Variants in DIS3L2 observed in about 807,000 individuals in gnomAD.
The protein encoded by DIS3L2 is DIS3-like exonuclease 2.
In DIS3L2, 34 loss-of-function variants were observed where a neutral mutation model predicts 97.5. The ratio of observed to expected loss-of-function variants is 0.35; its 90% CI spans 0.27 to 0.46. DIS3L2 has a LOEUF of 0.46. Among genes scored for constraint, DIS3L2 ranks in the 20% least tolerant of loss-of-function variants. The probability of loss-of-function intolerance (pLI) is 1.00; values close to 1 mark genes in which losing one functional copy is unlikely to be tolerated. For missense variants in DIS3L2, 1,038 were observed against 1,146.0 expected (o/e 0.91, Z 1.36); for synonymous variants, 435 against 445.2 (o/e 0.98, Z 0.29).
In DIS3L2 at chr2:232,113,025, T is replaced by C. The variant is rs531172675; in HGVS notation, c.602-17594T>C. On this transcript the variant is annotated intron_variant, in intron 6 of 20. Coordinates refer to ENST00000325385, the MANE Select transcript of DIS3L2 (RefSeq NM_152383.5). Reference sequence around the variant, plus strand: ...AAAGGAGGCTAGAAAAAAAATGGGCTGTGATGAGGTTTTGCAGAATTATCT... The same window carrying C: ...AAAGGAGGCTAGAAAAAAAATGGGCCGTGATGAGGTTTTGCAGAATTATCT... 5.3e-5 allele frequency among the ~76,000 whole-genome samples: 8 copies of C among 152,056 alleles called. No homozygotes were observed. The South Asian group carries it at 1.5e-3, about 28-fold the overall frequency.
intron 6 of DIS3L2, among the ~76,000 whole-genome samples, chr2:232,096,970 A>T (rs1393385805): frequency 6.6e-6 from 1 of 152,112 alleles, no homozygotes; most frequent in African/African-American, 2.4e-5. Flanking sequence ...GATGGTGTTG[A>T]TGCTTGTGGT....
chr2:232,113,770 A>G (rs1221126586), intron 6 of DIS3L2, among the ~76,000 whole-genome samples: 1 of 152,228 alleles, frequency 6.6e-6, no homozygotes, highest in African/African-American at 2.4e-5. Flanking sequence ...TTACAGTTTA[A>G]AACAAAGATG....
intron 11 of DIS3L2, among the ~76,000 whole-genome samples, chr2:232,244,960 C>T (rs150830158): frequency 6.6e-6 from 1 of 151,828 alleles, no homozygotes; most frequent in African/African-American, 2.4e-5. Flanking sequence ...TAGGAAAGGG[C>T]GATTATAAGA....
chr2:232,219,335 C>A (rs879897573), intron 10 of DIS3L2, among the ~76,000 whole-genome samples: 9 of 152,188 alleles, frequency 5.9e-5, no homozygotes, highest in Admixed American at 5.9e-4. Flanking sequence ...TGCTACCCTG[C>A]ATTTTAAAAT....
chr2:232,334,274 TCGG>T, intron 17 of DIS3L2, 92 bp from the exon 18 acceptor site: 1 of 1,450,200 alleles, frequency 6.9e-7, no homozygotes, highest in South Asian at 1.3e-5. Flanking sequence ...TCCTAATCTG[TCGG>T]CGGGGGTGCA....
intron 10 of DIS3L2, among the ~76,000 whole-genome samples, chr2:232,218,472 G>C (rs533808329): frequency 6.6e-6 from 1 of 151,630 alleles, no homozygotes; most frequent in African/African-American, 2.4e-5. Flanking sequence ...TTCAGGCCGG[G>C]TGTGGTGGCT....
chr2:232,025,148 G>A (rs1694622787), intron 4 of DIS3L2, among the ~76,000 whole-genome samples: 1 of 152,120 alleles, frequency 6.6e-6, no homozygotes. Flanking sequence ...TATAGGTTCA[G>A]TCATGTACTT....
At chr2:232,214,624 G>A (rs558294545) in intron 10 of DIS3L2, among the ~76,000 whole-genome samples, 60 of 152,318 alleles carry the variant, frequency 3.9e-4, no homozygotes, top group Middle Eastern at 3.4e-3. Context: ...GAAGTCTGAA[G>A]TACATGGCTA....
At chr2:232,167,411 T>G (rs1690856671) in intron 9 of DIS3L2, among the ~76,000 whole-genome samples, 1 of 152,214 alleles carries the variant, frequency 6.6e-6, no homozygotes, top group African/African-American at 2.4e-5. Flanking sequence ...GCAGTATGGT[T>G]GAATAATATT....
intron 1 of DIS3L2, among the ~76,000 whole-genome samples, chr2:231,999,800 G>GATTT (rs147506098): frequency 0.042 from 6,452 of 151,884 alleles, 209 homozygotes; most frequent in Admixed American, 0.088. Flanking sequence ...AATATATTGT[G>GATTT]ATTTATTTAT....
intron 6 of DIS3L2, among the ~76,000 whole-genome samples, chr2:232,115,704 TC>T (rs1478330120): frequency 6.6e-6 from 1 of 152,162 alleles, no homozygotes; most frequent in Non-Finnish European, 1.5e-5. Flanking sequence ...AAGTGGAAGT[TC>T]CTCTGTCGCT....
rs1465395940 is a variant in DIS3L2, at chr2:232,037,979, T to C, written c.366+7899T>C. On this transcript the variant is annotated intron_variant, in intron 5 of 20. Transcript: ENST00000325385. This position sits in a 1 kb window ranked among gnomAD's most constrained non-coding sequence, Gnocchi z 4.6. ...GCTGCAGGCAGAAGCTGTTCCTATT[T>C]GACCATTTTGTCTGGGAATCCTCTT... 6.6e-6 allele frequency among the ~76,000 whole-genome samples: 1 copy of C among 152,256 alleles called. No individual in the cohort carries two copies. Among genetic ancestry groups the C allele is most frequent in the African/African-American group, 2.4e-5 (1 of 41,474 alleles).
At chr2:232,205,554 G>A (rs903912740) in intron 9 of DIS3L2, among the ~76,000 whole-genome samples, 2 of 151,880 alleles carry the variant, frequency 1.3e-5, no homozygotes, top group Admixed American at 6.6e-5. Context: ...TGCCCACCGC[G>A]GCCTCCCAAA....
At chr2:232,089,456 C>G (rs1008752631) in intron 6 of DIS3L2, among the ~76,000 whole-genome samples, 2 of 152,174 alleles carry the variant, frequency 1.3e-5, no homozygotes, top group Non-Finnish European at 2.9e-5. Flanking sequence ...TAGTCGAATA[C>G]TGTGACATTC....
chr2:232,121,830 C>G (rs1574891466), intron 6 of DIS3L2, among the ~76,000 whole-genome samples: 3 of 152,160 alleles, frequency 2.0e-5, no homozygotes, highest in Admixed American at 6.5e-5. Context: ...ACACCCTACT[C>G]TACCTCATAT....
At chr2:232,164,441 CTT>C (rs1219603037) in intron 9 of DIS3L2, among the ~76,000 whole-genome samples, 4 of 152,124 alleles carry the variant, frequency 2.6e-5, no homozygotes, top group African/African-American at 9.7e-5. Flanking sequence ...AACCAAGAAA[CTT>C]TTCATACAAC....
At chr2:232,171,892 T>G (rs1185121093) in intron 9 of DIS3L2, among the ~76,000 whole-genome samples, 3 of 152,196 alleles carry the variant, frequency 2.0e-5, no homozygotes, top group Admixed American at 6.5e-5. Flanking sequence ...GATCAATAGA[T>G]TTTTGTCTGA....
At position 232,016,921 on chromosome 2, in the gene DIS3L2, T is replaced by C. The variant is rs1400894324; in HGVS notation, c.210+1250T>C. On this transcript the variant is annotated intron_variant, in intron 3 of 20. Coordinates refer to ENST00000325385, the MANE Select transcript of DIS3L2 (RefSeq NM_152383.5). ...TGTCCCCTCCCTCCCTCCCTCCCTC[T>C]CTCCCTCCCTCCCTCCCTCCCTTCC... is the stretch of plus-strand genomic sequence containing the variant. Among the ~76,000 whole-genome samples, 91 of 88,510 alleles carry C rather than the reference T, an allele frequency of 1.0e-3. 2 individuals carry two copies. Among genetic ancestry groups the C allele is most frequent in the Admixed American group, 4.5e-3 (31 of 6,842 alleles). 58.1% of individuals were successfully genotyped at this position (88,510 alleles called of 152,430 possible). A position where few individuals can be genotyped will look rare whatever the true frequency, so the allele number is the denominator to read the frequency against.
At chr2:232,036,260 T>G (rs1694945834) in intron 5 of DIS3L2, among the ~76,000 whole-genome samples, 1 of 152,210 alleles carries the variant, frequency 6.6e-6, no homozygotes, top group Admixed American at 6.5e-5. Context: ...TGCTTTATTT[T>G]ATTAAGTTGA....
Sources: allele counts gnomAD v4.1 joint callset (sites outside exome capture counted in the v4.1 genomes callset), GRCh38; gene constraint gnomAD v4.1.1; non-coding constraint Gnocchi (gnomAD v3.1); transcripts MANE v1.5; gene names NCBI Gene and HGNC (gene_info 2026-07-23, HGNC 2026-07-21).